Variants in AMMECR1 observed in about 807,000 individuals in gnomAD.
AMMECR1 encodes AMMECR nuclear protein 1, also known as nuclear protein AMMECR1.
In AMMECR1, 3 loss-of-function variants were observed where a neutral mutation model predicts 22.5. The observed-to-expected ratio is 0.13, with a 90% CI of 0.06 to 0.35. The LOEUF (loss-of-function observed/expected upper bound fraction) is 0.35. Ranked by LOEUF, AMMECR1 falls within the 10% of genes least tolerant of loss-of-function variation. The pLI, the probability that AMMECR1 is intolerant of heterozygous loss-of-function variation, is 1.00. For missense variants in AMMECR1, 235 were observed against 278.7 expected (o/e 0.84, Z 1.12); for synonymous variants, 130 against 116.7 (o/e 1.11, Z -0.74).
At chrX:110,385,269 C>A (rs1378072206) in intron 2 of AMMECR1, among the ~76,000 whole-genome samples, 1 of 111,658 alleles carries the variant, frequency 9.0e-6, no homozygotes, top group Non-Finnish European at 1.9e-5. Flanking sequence ...ACATACAGAA[C>A]ACTTAAAAGA....
intron 1 of AMMECR1, among the ~76,000 whole-genome samples, chrX:110,301,562 T>G (rs1329509490): frequency 9.0e-6 from 1 of 111,658 alleles, no homozygotes; most frequent in Non-Finnish European, 1.9e-5. Flanking sequence ...GATAAGATAT[T>G]TGAGGAGCTT....
chrX:110,280,412 A>G (rs1410773236), intron 1 of AMMECR1, among the ~76,000 whole-genome samples: 2 of 111,995 alleles, frequency 1.8e-5, no homozygotes, highest in Non-Finnish European at 3.8e-5. Context: ...TATGTGCCAT[A>G]AAAATAAACA....
At chrX:110,345,356 G>A (rs2068184164) in intron 2 of AMMECR1, among the ~76,000 whole-genome samples, 1 of 107,718 alleles carries the variant, frequency 9.3e-6, no homozygotes, top group Non-Finnish European at 1.9e-5. Flanking sequence ...GGGGTTGGGG[G>A]AGGGGAGAGG....
intron 2 of AMMECR1, 89 bp downstream of exon 2, chrX:110,264,400 T>G: frequency 2.0e-6 from 1 of 505,542 alleles, no homozygotes; most frequent in East Asian, 3.5e-5. Context: ...ACGTTGACAA[T>G]TCAGTAAAAG....
intron 3 of AMMECR1, among the ~76,000 whole-genome samples, chrX:110,215,540 A>G (rs1359168273): frequency 8.9e-6 from 1 of 112,120 alleles, no homozygotes. Flanking sequence ...TGGTCCTTCT[A>G]AAACAGCAGA....
chrX:110,386,571 T>G (rs1231763029), intron 2 of AMMECR1, among the ~76,000 whole-genome samples: 1 of 111,992 alleles, frequency 8.9e-6, no homozygotes, highest in African/African-American at 3.2e-5. Flanking sequence ...TTCTTATATA[T>G]TCTGCATGCA....
chrX:110,324,242 C>A (rs1165401597), intron 2 of AMMECR1, among the ~76,000 whole-genome samples: 1 of 111,204 alleles, frequency 9.0e-6, no homozygotes, highest in Non-Finnish European at 1.9e-5. Flanking sequence ...AGTGATCTGC[C>A]CACTTTAGCC....
chrX:110,336,723 C>T (rs991861527), intron 2 of AMMECR1, among the ~76,000 whole-genome samples: 1 of 109,718 alleles, frequency 9.1e-6, no homozygotes, highest in Non-Finnish European at 1.9e-5. Flanking sequence ...TAATATGGAG[C>T]CCATGATTTC....
At chrX:110,240,205 C>T (rs2067623611) in intron 2 of AMMECR1, among the ~76,000 whole-genome samples, 1 of 110,214 alleles carries the variant, frequency 9.1e-6, no homozygotes, top group African/African-American at 3.3e-5. Context: ...TCACACATAA[C>T]AATATTAACC....
intron 2 of AMMECR1, among the ~76,000 whole-genome samples, chrX:110,398,364 C>A (rs2068542074): frequency 8.9e-6 from 1 of 112,283 alleles, no homozygotes; most frequent in African/African-American, 3.2e-5. Context: ...CTTTCCCACA[C>A]CTTATTTCAT....
intron 2 of AMMECR1, among the ~76,000 whole-genome samples, chrX:110,259,591 CTTTT>C (rs56156052): frequency 1.1e-5 from 1 of 94,799 alleles, no homozygotes; most frequent in African/African-American, 3.8e-5. Context: ...CTTTCTTTTT[CTTTT>C]TTTTTTTTTT....
intron 2 of AMMECR1, among the ~76,000 whole-genome samples, chrX:110,220,654 A>G (rs2067495523): frequency 8.9e-6 from 1 of 111,779 alleles, no homozygotes; most frequent in Non-Finnish European, 1.9e-5. Flanking sequence ...CACCCATATG[A>G]TGGATGGGTA....
chrX:110,427,716 C>T (rs2068764294), intron 1 of AMMECR1, among the ~76,000 whole-genome samples: 1 of 112,278 alleles, frequency 8.9e-6, no homozygotes, highest in Non-Finnish European at 1.9e-5. Flanking sequence ...GTCCAAACTC[C>T]TTAGCTTGGC....
intron 2 of AMMECR1, among the ~76,000 whole-genome samples, chrX:110,362,444 A>C (rs1362451324): frequency 8.0e-5 from 9 of 112,340 alleles, no homozygotes; most frequent in Non-Finnish European, 1.5e-4. Flanking sequence ...TGAAATCAGT[A>C]TTTTTAATTA....
chrX:110,207,497 A>T (rs1470245957), intron 3 of AMMECR1, among the ~76,000 whole-genome samples: 1 of 111,182 alleles, frequency 9.0e-6, no homozygotes. Context: ...GCTGATAAGG[A>T]TTTGTACAGA....
chrX:110,240,767 A>G (rs1205670914), intron 2 of AMMECR1, among the ~76,000 whole-genome samples: 1 of 112,252 alleles, frequency 8.9e-6, no homozygotes. Context: ...AATCAACAGA[A>G]TATACATTCT....
At position 110,416,973 on chromosome X, in the gene AMMECR1, G is replaced by T. The variant is rs752462; in HGVS notation, c.-148+9685C>A. Reference sequence around the variant, plus strand: ...CATTTACTTCCAATTTTCGGTTTTTGGGGGAGAGCTGGGTTTCCTCCACAG... The same window carrying T: ...CATTTACTTCCAATTTTCGGTTTTTTGGGGAGAGCTGGGTTTCCTCCACAG... On this transcript the variant is annotated intron_variant, in intron 2 of 7. Coordinates refer to the AMMECR1 transcript ENST00000372057. Among the ~76,000 whole-genome samples, 1,075 of 112,281 alleles carry T rather than the reference G, an allele frequency of 9.6e-3. 24 individuals carry two copies. Among genetic ancestry groups the T allele is most frequent in the Admixed American group, 0.071 (760 of 10,633 alleles).
chrX:110,353,027 T>C (rs1190321561), intron 2 of AMMECR1, among the ~76,000 whole-genome samples: 1 of 112,443 alleles, frequency 8.9e-6, no homozygotes, highest in Admixed American at 9.4e-5. Context: ...TTTATATGTC[T>C]TCTGATTTAG....
chrX:110,231,091 T>G (rs1420297699), intron 2 of AMMECR1, among the ~76,000 whole-genome samples: 1 of 112,244 alleles, frequency 8.9e-6, no homozygotes, highest in Non-Finnish European at 1.9e-5. Flanking sequence ...TGGAACCAAG[T>G]TGGAAAATAT....
Sources: allele counts gnomAD v4.1 joint callset (sites outside exome capture counted in the v4.1 genomes callset), GRCh38; gene constraint gnomAD v4.1.1; transcripts MANE v1.5; gene names NCBI Gene and HGNC (gene_info 2026-07-23, HGNC 2026-07-21).